The following SUGCT variants were observed in gnomAD, a reference collection of about 807,000 sequenced individuals.
SUGCT encodes succinyl-CoA:glutarate-CoA transferase.
Under a neutral mutation model 55.0 loss-of-function variants are expected in SUGCT, and 41 were observed. The ratio of observed to expected loss-of-function variants is 0.74; its 90% CI spans 0.58 to 0.97. The LOEUF (loss-of-function observed/expected upper bound fraction) is 0.97, where lower values mean the gene tolerates loss of function less well. Ranked by LOEUF, SUGCT falls within the 50% of genes least tolerant of loss-of-function variation. SUGCT has a pLI of 0.00. For synonymous variants in SUGCT, 187 were observed against 200.4 expected (o/e 0.93, Z 0.56); for missense variants, 568 against 547.8 (o/e 1.04, Z -0.37).
At chr7:40,380,879 T>C (rs1328073817) in intron 9 of SUGCT, among the ~76,000 whole-genome samples, 2 of 152,178 alleles carry the variant, frequency 1.3e-5, no homozygotes. Context: ...GTTTACTGTC[T>C]TTTTTTGAAA....
At chr7:40,412,157 C>G (rs544703592) in intron 9 of SUGCT, among the ~76,000 whole-genome samples, 2 of 152,314 alleles carry the variant, frequency 1.3e-5, no homozygotes, top group East Asian at 1.9e-4. Context: ...TTCAATCATG[C>G]CTTGTGTAGT....
At chr7:40,972,838 T>G in the SUGCT span, among the ~76,000 whole-genome samples, 1 of 152,218 alleles carries the variant, frequency 6.6e-6, no homozygotes, top group African/African-American at 2.4e-5. Flanking sequence ...CCAAAGGGTT[T>G]GCACTGCTGT....
At chr7:40,864,432 A>G (rs192876305), downstream of SUGCT, among the ~76,000 whole-genome samples, 6 of 152,206 alleles carry the variant, frequency 3.9e-5, no homozygotes, top group East Asian at 1.2e-3. Flanking sequence ...GATTACAGAC[A>G]TGAGCCACCA....
At chr7:40,300,784 T>C (rs1021543928) in intron 8 of SUGCT, among the ~76,000 whole-genome samples, 2 of 152,116 alleles carry the variant, frequency 1.3e-5, no homozygotes, top group African/African-American at 4.8e-5. Flanking sequence ...CTGACTGTAA[T>C]GTAAGTTAGT....
intron 8 of SUGCT, among the ~76,000 whole-genome samples, chr7:40,297,996 A>G: frequency 6.6e-6 from 1 of 151,798 alleles, no homozygotes; most frequent in Admixed American, 6.6e-5. Context: ...TGTAACCTCA[A>G]AACATGTTCA....
At chr7:40,585,510 T>C (rs1797327513) in intron 12 of SUGCT, among the ~76,000 whole-genome samples, 1 of 152,138 alleles carries the variant, frequency 6.6e-6, no homozygotes, top group Non-Finnish European at 1.5e-5. Flanking sequence ...TTTGACAAAG[T>C]GGATCCTCCT....
At chr7:40,273,244 T>C (rs1229451719) in intron 7 of SUGCT, among the ~76,000 whole-genome samples, 1 of 152,192 alleles carries the variant, frequency 6.6e-6, no homozygotes. Flanking sequence ...GTTTAGCTAC[T>C]ATACCGTCTC....
At chr7:40,929,319 A>G in the SUGCT span, among the ~76,000 whole-genome samples, 1 of 152,134 alleles carries the variant, frequency 6.6e-6, no homozygotes, top group South Asian at 2.1e-4. Flanking sequence ...AATCCAGTCT[A>G]TCATTGATAG....
At chr7:40,318,396 G>A (rs998119771) in intron 9 of SUGCT, among the ~76,000 whole-genome samples, 1 of 152,104 alleles carries the variant, frequency 6.6e-6, no homozygotes, top group Non-Finnish European at 1.5e-5. Flanking sequence ...TGGAATCTAT[G>A]GGAAATCATC....
chr7:40,198,456 A>C (rs1372558400), intron 6 of SUGCT, among the ~76,000 whole-genome samples: 3 of 152,216 alleles, frequency 2.0e-5, no homozygotes, highest in Non-Finnish European at 4.4e-5. Context: ...GTCATGAACA[A>C]ATTTATTAGT....
intron 12 of SUGCT, among the ~76,000 whole-genome samples, chr7:40,662,572 A>G (rs941920258): frequency 6.6e-6 from 1 of 152,134 alleles, no homozygotes. Context: ...GCTCATCCCT[A>G]TCACAGAAAC....
intron 9 of SUGCT, among the ~76,000 whole-genome samples, chr7:40,409,194 A>G (rs1038915690): frequency 1.3e-5 from 2 of 152,108 alleles, no homozygotes; most frequent in South Asian, 2.1e-4. Context: ...AACTCAAGCT[A>G]TCTGCCCACC....
At chr7:40,259,349 A>T (rs901060360) in intron 7 of SUGCT, among the ~76,000 whole-genome samples, 8 of 152,194 alleles carry the variant, frequency 5.3e-5, no homozygotes, top group African/African-American at 1.9e-4. Flanking sequence ...AGCTTGAGGG[A>T]TACATATATA....
chr7:41,034,299 G>A, the SUGCT span, among the ~76,000 whole-genome samples: 2 of 152,182 alleles, frequency 1.3e-5, no homozygotes, highest in African/African-American at 4.8e-5. Flanking sequence ...CTTGATTCAT[G>A]TAATATCTGT....
In SUGCT at chr7:40,167,677, A is replaced by G. The variant is rs144159145; in HGVS notation, c.101-13270A>G. Among the ~76,000 whole-genome samples the G allele has an allele frequency of 3.5e-3, 532 of 152,282 alleles. 4 individuals are homozygous for G. Among genetic ancestry groups the G allele is most frequent in the African/African-American group, 0.012 (498 of 41,552 alleles). On this transcript the variant is annotated intron_variant, in intron 1 of 13. Coordinates refer to ENST00000335693, the MANE Select transcript of SUGCT (RefSeq NM_001193313.2). ...GTGACTAATGTTCAGCTTGATTAGG[A>G]TGAACCTGGGCACTTAGCAATGCAG...
Position 40,860,417 on chromosome 7 carries a change from G to A in SUGCT, c.1255G>A (p.Asp419Asn), listed in dbSNP as rs769042792. The change falls in exon 14 of 14, where the codon GAT (aspartate) becomes AAT (asparagine). Residue 419 changes from aspartate to asparagine, a missense_variant. Transcript: ENST00000335693. ...CATCCTGAAGGAGGTCCTGAGATAC[G>A]ATGACAGGGCCATCGGGGAGCTGCT... ...THILKEVLRY[D>N]DRAIGELLSA... is the part of the protein sequence containing the mutation. The A allele has an allele frequency of 4.3e-6, 7 of 1,613,968 alleles. No individual in the cohort carries two copies. The highest frequency in any genetic ancestry group is 2.2e-5 in the South Asian group (2 of 91,076).
At chr7:40,752,196 T>C (rs912255603) in intron 13 of SUGCT, among the ~76,000 whole-genome samples, 2 of 152,146 alleles carry the variant, frequency 1.3e-5, no homozygotes, top group Admixed American at 1.3e-4. Context: ...CTCCTGCCTG[T>C]GCTTGGAGTC....
the SUGCT span, among the ~76,000 whole-genome samples, chr7:40,981,528 G>A: frequency 6.6e-6 from 1 of 152,114 alleles, no homozygotes; most frequent in African/African-American, 2.4e-5. Context: ...TTTGCAATAT[G>A]GAGGGGCTGA....
At chr7:40,693,486 C>T (rs1784783388) in intron 12 of SUGCT, among the ~76,000 whole-genome samples, 2 of 152,142 alleles carry the variant, frequency 1.3e-5, no homozygotes, top group Non-Finnish European at 2.9e-5. Context: ...GATGAAGAAG[C>T]TGAGGGCCAG....
Sources: allele counts gnomAD v4.1 joint callset (sites outside exome capture counted in the v4.1 genomes callset), GRCh38; gene constraint gnomAD v4.1.1; transcripts MANE v1.5; gene names NCBI Gene and HGNC (gene_info 2026-07-23, HGNC 2026-07-21).